ARIH1: variants seen among roughly 807,000 people sequenced by gnomAD.
ARIH1 encodes ariadne RBR E3 ubiquitin protein ligase 1, also known as E3 ubiquitin-protein ligase ARIH1.
Under a neutral mutation model 85.0 loss-of-function variants are expected in ARIH1, and 8 were observed. That is an observed-to-expected ratio of 0.09 (90% CI 0.06 to 0.17). The LOEUF is 0.17. Among genes scored for constraint, ARIH1 ranks in the 10% least tolerant of loss-of-function variants. The probability of loss-of-function intolerance (pLI) is 1.00; values close to 1 mark genes in which losing one functional copy is unlikely to be tolerated. For missense variants in ARIH1, 311 were observed against 718.1 expected, an observed-to-expected ratio of 0.43 and a Z score of 6.48; for synonymous variants, 238 against 253.6, an observed-to-expected ratio of 0.94 and a Z score of 0.59.
chr15:72,538,995 G>A (rs2064095116), intron 2 of ARIH1, among the ~76,000 whole-genome samples: 1 of 152,134 alleles, frequency 6.6e-6, no homozygotes, highest in South Asian at 2.1e-4. Flanking sequence ...ACTGCTGCTT[G>A]TTTTTTTACT....
chr15:72,479,967 A>G lies in ARIH1; in HGVS notation c.375+4953A>G, dbSNP rs977532291. On this transcript the variant is annotated intron_variant, in intron 1 of 13. Coordinates refer to ENST00000379887, the MANE Select transcript of ARIH1 (RefSeq NM_005744.5). ...ACCGCAAGCTCCGCCTCCTGGGTTC[A>G]CGCCATTCTTCTGCCTCAGCCTCCC... Among the ~76,000 whole-genome samples the G allele has an allele frequency of 2.6e-5, 4 of 151,274 alleles. No homozygotes were observed. In the South Asian group the frequency reaches 6.3e-4, roughly 24 times the overall value.
In ARIH1 at chr15:72,601,406, T is replaced by C. The variant is rs2064382080; in HGVS notation, c.*18114T>C. 6.6e-6 allele frequency: 1 copy of C among 152,230 alleles called. No homozygotes were observed. The highest frequency in any genetic ancestry group is 1.5e-5 in the Non-Finnish European group (1 of 68,072). 9.4% of individuals were successfully genotyped at this position (152,230 alleles called of 1,614,324 possible). On this transcript the variant is annotated 3_prime_UTR_variant, in exon 14 of 14. Coordinates refer to ENST00000379887, the MANE Select transcript of ARIH1 (RefSeq NM_005744.5). ...ATCTGCACTCCTACCTCTTCTCCTA[T>C]TGCAACCAACCCTGTTACCTTTTTC...
intron 1 of ARIH1, among the ~76,000 whole-genome samples, chr15:72,484,786 T>TAC (rs1481754162): frequency 2.9e-5 from 2 of 69,736 alleles, no homozygotes; most frequent in South Asian, 1.2e-3. Flanking sequence ...TATACATATA[T>TAC]ATACACACAC....
At chr15:72,476,458 G>C (rs1249869685) in intron 1 of ARIH1, among the ~76,000 whole-genome samples, 1 of 152,114 alleles carries the variant, frequency 6.6e-6, no homozygotes, top group South Asian at 2.1e-4. Flanking sequence ...TCCGCCTGCC[G>C]GGTTCATGCA....
In ARIH1 at chr15:72,496,064, C is replaced by T. The variant is rs117469301; in HGVS notation, c.375+21050C>T. Among the ~76,000 whole-genome samples the T allele has an allele frequency of 4.5e-3, 684 of 152,180 alleles. 36 individuals are homozygous for T. In the East Asian group the frequency reaches 0.11, roughly 25 times the overall value. The stretch of plus-strand genomic sequence containing the variant: ...CAGCTGGGACTACAGGCACACACCA[C>T]CACACCTAATTAAAAAAAATTTTTT... On this transcript the variant is annotated intron_variant, in intron 1 of 13. Coordinates refer to ENST00000379887, the MANE Select transcript of ARIH1 (RefSeq NM_005744.5).
At chr15:72,511,739 T>G (rs946887447) in intron 1 of ARIH1, among the ~76,000 whole-genome samples, 1 of 152,162 alleles carries the variant, frequency 6.6e-6, no homozygotes, top group Non-Finnish European at 1.5e-5. Flanking sequence ...CCTTTCCAAT[T>G]TCTTTTATTT....
intron 2 of ARIH1, among the ~76,000 whole-genome samples, chr15:72,522,924 A>G (rs999700427): frequency 2.6e-5 from 4 of 152,232 alleles, no homozygotes; most frequent in Admixed American, 2.6e-4. Context: ...GGGAAATGCA[A>G]ATTAAAACAA....
At chr15:72,526,357 G>A (rs1410753735) in intron 2 of ARIH1, among the ~76,000 whole-genome samples, 1 of 152,108 alleles carries the variant, frequency 6.6e-6, no homozygotes, top group Non-Finnish European at 1.5e-5. Flanking sequence ...TATTCCTCTT[G>A]TTTGCCCCAT....
At chr15:72,563,256 G>A in intron 6 of ARIH1, 138 bp from the exon 7 acceptor site, 1 of 642,464 alleles carries the variant, frequency 1.6e-6, no homozygotes, top group Non-Finnish European at 2.8e-6. Flanking sequence ...ACAAGGTCTT[G>A]CTATGTTGCC....
At chr15:72,564,723 G>A (rs989530045) in intron 7 of ARIH1, among the ~76,000 whole-genome samples, 1 of 152,210 alleles carries the variant, frequency 6.6e-6, no homozygotes, top group African/African-American at 2.4e-5. Flanking sequence ...TCTTAAGGGT[G>A]AGAAGTCCAA....
chr15:72,534,554 G>A (rs1351823399), intron 2 of ARIH1, among the ~76,000 whole-genome samples: 1 of 152,172 alleles, frequency 6.6e-6, no homozygotes, highest in Non-Finnish European at 1.5e-5. Flanking sequence ...AGGATTAATA[G>A]TTCCTTTGTA....
At chr15:72,493,614 T>G (rs897614039) in intron 1 of ARIH1, among the ~76,000 whole-genome samples, 1 of 152,202 alleles carries the variant, frequency 6.6e-6, no homozygotes, top group Non-Finnish European at 1.5e-5. Context: ...ATAAAAGCAC[T>G]TTCTAGACAG....
intron 2 of ARIH1, among the ~76,000 whole-genome samples, chr15:72,529,028 A>G (rs534035365): frequency 1.8e-3 from 274 of 151,680 alleles, no homozygotes; most frequent in Non-Finnish European, 3.0e-3. Context: ...GTGAAACCCC[A>G]TCTCTACTAA....
intron 1 of ARIH1, among the ~76,000 whole-genome samples, chr15:72,494,164 A>T (rs1369197715): frequency 6.6e-6 from 1 of 152,214 alleles, no homozygotes; most frequent in Non-Finnish European, 1.5e-5. Flanking sequence ...AACCATTTGT[A>T]AATTGAGTAC....
At chr15:72,546,943 G>A (rs1373994306) in intron 3 of ARIH1, among the ~76,000 whole-genome samples, 1 of 144,974 alleles carries the variant, frequency 6.9e-6, no homozygotes, top group African/African-American at 2.7e-5. Flanking sequence ...GAGGGGGGGG[G>A]GTGGGACGGA....
At chr15:72,550,257 C>T (rs537062151) in intron 3 of ARIH1, among the ~76,000 whole-genome samples, 6 of 152,258 alleles carry the variant, frequency 3.9e-5, no homozygotes, top group African/African-American at 1.4e-4. Context: ...GCATCTCACA[C>T]GAGTGTGATT....
intron 1 of ARIH1, among the ~76,000 whole-genome samples, chr15:72,497,892 A>G (rs548421871): frequency 6.6e-6 from 1 of 152,340 alleles, no homozygotes; most frequent in African/African-American, 2.4e-5. Flanking sequence ...GATGTTAGTT[A>G]ATACTTTTAT....
intron 1 of ARIH1, among the ~76,000 whole-genome samples, chr15:72,483,773 A>T (rs939698586): frequency 1.3e-5 from 2 of 149,538 alleles, no homozygotes; most frequent in African/African-American, 4.9e-5. Context: ...CAGAATTGGT[A>T]GGAATTTGAG....
intron 3 of ARIH1, among the ~76,000 whole-genome samples, chr15:72,554,621 A>G (rs2064167236): frequency 6.6e-6 from 1 of 152,088 alleles, no homozygotes; most frequent in African/African-American, 2.4e-5. Context: ...TCCTTGCCTC[A>G]AGTAATCCTC....
Sources: gnomAD v4.1 joint callset for allele counts (sites outside exome capture counted in the v4.1 genomes callset) on GRCh38, gnomAD v4.1.1 for gene constraint, MANE v1.5 for transcripts, NCBI Gene and HGNC (gene_info 2026-07-23, HGNC 2026-07-21) for gene names.